Variants in XNDC1N observed in about 807,000 individuals in gnomAD.
XNDC1N encodes protein XNDC1N.
At chr11:71,927,982 G>T in the XNDC1N span, 1 of 156,434 alleles carries the variant, frequency 6.4e-6, no homozygotes, top group Admixed American at 6.4e-5. Context: ...CCAGGCGGAC[G>T]CCCAGAGGCG....
the XNDC1N span, among the ~76,000 whole-genome samples, chr11:71,897,729 A>G: frequency 2.0e-5 from 3 of 152,382 alleles, no homozygotes; most frequent in Admixed American, 2.0e-4. Flanking sequence ...AAAAAGAATT[A>G]GAAGCCAGGA....
chr11:71,885,430 C>T, the XNDC1N span, among the ~76,000 whole-genome samples: 26 of 152,234 alleles, frequency 1.7e-4, no homozygotes, highest in African/African-American at 4.8e-4. Context: ...ACACTTCCTG[C>T]GATGTTGGGA....
chr11:71,878,336 G>C, the XNDC1N span: 1 of 1,033,454 alleles, frequency 9.7e-7, no homozygotes, highest in East Asian at 2.4e-5. Context: ...AAATGTTATT[G>C]CTCCTGAAAG....
At chr11:71,878,561 A>G in the XNDC1N span, 15 of 1,576,006 alleles carry the variant, frequency 9.5e-6, no homozygotes, top group African/African-American at 1.9e-4. Context: ...AAGTAAAAGA[A>G]AATGCAAGGT....
chr11:71,897,910 C>T, the XNDC1N span, among the ~76,000 whole-genome samples: 34 of 152,234 alleles, frequency 2.2e-4, no homozygotes, highest in Admixed American at 2.1e-3. Context: ...CTGGCCGGTG[C>T]GGTGGCTCAC....
chr11:71,924,365 T>G, the XNDC1N span, among the ~76,000 whole-genome samples: 3 of 150,792 alleles, frequency 2.0e-5, no homozygotes, highest in African/African-American at 7.3e-5. Context: ...GGTGACAGAG[T>G]GAGACCCTAA....
chr11:71,884,255 A>T, the XNDC1N span: 842 of 854,366 alleles, frequency 9.9e-4, 2 homozygotes, highest in Middle Eastern at 6.0e-3. Context: ...TTTATTCAGC[A>T]TCTCCACTTT....
chr11:71,885,752 A>T, the XNDC1N span, among the ~76,000 whole-genome samples: 2 of 151,730 alleles, frequency 1.3e-5, no homozygotes, highest in Admixed American at 6.6e-5. Context: ...ATTAAGAAAT[A>T]ATTGCTAATA....
the XNDC1N span, among the ~76,000 whole-genome samples, chr11:71,907,561 G>C: frequency 6.6e-6 from 1 of 152,008 alleles, no homozygotes; most frequent in Non-Finnish European, 1.5e-5. Flanking sequence ...ATTTTGAACT[G>C]TTTCACAGAC....
At chr11:71,869,198 C>T in the XNDC1N span, among the ~76,000 whole-genome samples, 3 of 151,800 alleles carry the variant, frequency 2.0e-5, no homozygotes, top group African/African-American at 7.3e-5. Context: ...CTATCCCTCC[C>T]CGCTCCCACT....
At chr11:71,926,712 C>G in the XNDC1N span, among the ~76,000 whole-genome samples, 603 of 151,936 alleles carry the variant, frequency 4.0e-3, 9 homozygotes, top group African/African-American at 0.014. Context: ...ACCAGCCTGG[C>G]CAACATGGTG....
At chr11:71,903,434 T>A in the XNDC1N span, 1 of 1,057,322 alleles carries the variant, frequency 9.5e-7, no homozygotes, top group South Asian at 1.3e-5. Flanking sequence ...CCAAGATGAT[T>A]GTGGACATCC....
chr11:71,918,890 T>A, the XNDC1N span: 1 of 702,628 alleles, frequency 1.4e-6, no homozygotes, highest in Admixed American at 2.0e-5. Context: ...CTCACCCACA[T>A]CAATGTAGCC....
At chr11:71,875,278 AAGAG>A in the XNDC1N span, among the ~76,000 whole-genome samples, 14 of 151,910 alleles carry the variant, frequency 9.2e-5, no homozygotes, top group East Asian at 1.9e-4. Context: ...TCACAAGAAT[AAGAG>A]AGAGAGAAAT....
chr11:71,885,810 T>G, the XNDC1N span, among the ~76,000 whole-genome samples: 7 of 151,892 alleles, frequency 4.6e-5, no homozygotes, highest in Non-Finnish European at 7.4e-5. Flanking sequence ...GAGCTAATAT[T>G]ACTGTTTTCT....
At chr11:71,919,773 A>G in the XNDC1N span, among the ~76,000 whole-genome samples, 1 of 148,624 alleles carries the variant, frequency 6.7e-6, no homozygotes, top group African/African-American at 2.5e-5. Flanking sequence ...GCCCACCACC[A>G]TGCCCGGCTA....
the XNDC1N span, among the ~76,000 whole-genome samples, chr11:71,896,147 C>T: frequency 6.6e-6 from 1 of 152,172 alleles, no homozygotes; most frequent in African/African-American, 2.4e-5. Context: ...GGCGTGGTGA[C>T]CTGTGCCTGT....
At chr11:71,917,703 G>C in the XNDC1N span, 1 of 703,238 alleles carries the variant, frequency 1.4e-6, no homozygotes, top group Non-Finnish European at 2.6e-6. Flanking sequence ...CAGGGAGCAG[G>C]GTTATGAAAG....
At chr11:71,878,446 T>G in the XNDC1N span, 1 of 1,611,706 alleles carries the variant, frequency 6.2e-7, no homozygotes. Context: ...GCTTTACCTA[T>G]TCAACCATGA....
Sources: gnomAD v4.1 joint callset for allele counts (sites outside exome capture counted in the v4.1 genomes callset) on GRCh38, gnomAD v4.1.1 for gene constraint, MANE v1.5 for transcripts, NCBI Gene and HGNC (gene_info 2026-07-23, HGNC 2026-07-21) for gene names.